SDHAF3: variants seen among roughly 807,000 people sequenced by gnomAD.
SDHAF3 encodes succinate dehydrogenase assembly factor 3, mitochondrial.
SDHAF3 carries 18 observed loss-of-function variants against 11.5 expected under a neutral mutation model. That is an observed-to-expected ratio of 1.56 (90% CI 1.08 to 2.32). SDHAF3 has a LOEUF of 2.32. SDHAF3 is among the 30% of genes most tolerant of loss of function. The pLI, the probability that SDHAF3 is intolerant of heterozygous loss-of-function variation, is 0.00. For synonymous variants in SDHAF3, 72 were observed against 59.3 expected, an observed-to-expected ratio of 1.21 and a Z score of -0.99; for missense variants, 200 against 154.4, an observed-to-expected ratio of 1.30 and a Z score of -1.57.
At chr7:97,174,897 T>C (rs1268082635) in intron 1 of SDHAF3, among the ~76,000 whole-genome samples, 4 of 152,242 alleles carry the variant, frequency 2.6e-5, no homozygotes. Flanking sequence ...ATGTAGTTTT[T>C]CATAGTCTGA....
chr7:97,151,153 T>C (rs1789212974), intron 1 of SDHAF3, among the ~76,000 whole-genome samples: 2 of 152,162 alleles, frequency 1.3e-5, no homozygotes, highest in South Asian at 4.1e-4. Context: ...CGGGAACTTT[T>C]ACTGCACACT....
chr7:97,130,100 C>T (rs1177037823), intron 1 of SDHAF3, among the ~76,000 whole-genome samples: 5 of 152,074 alleles, frequency 3.3e-5, no homozygotes, highest in East Asian at 1.9e-4. Context: ...TGTGAAATCT[C>T]GTCTCTATTA....
At chr7:97,134,007 C>T (rs970228457) in intron 1 of SDHAF3, among the ~76,000 whole-genome samples, 1 of 152,212 alleles carries the variant, frequency 6.6e-6, no homozygotes, top group Non-Finnish European at 1.5e-5. Flanking sequence ...GGTGCAATAA[C>T]TCTTTACTGA....
chr7:97,119,129 T>C (rs1791453147), intron 1 of SDHAF3, among the ~76,000 whole-genome samples: 1 of 152,222 alleles, frequency 6.6e-6, no homozygotes. Flanking sequence ...CATCTCAAAA[T>C]TTACGTATGT....
intron 1 of SDHAF3, among the ~76,000 whole-genome samples, chr7:97,156,602 A>C (rs1393265140): frequency 2.0e-5 from 3 of 152,158 alleles, no homozygotes; most frequent in Non-Finnish European, 4.4e-5. Flanking sequence ...AGCACATATA[A>C]ATAGCATACA....
intron 1 of SDHAF3, among the ~76,000 whole-genome samples, chr7:97,147,837 T>C (rs1365841732): frequency 1.1e-4 from 16 of 152,252 alleles, no homozygotes; most frequent in Admixed American, 9.8e-4. Flanking sequence ...ACTTTGGTAC[T>C]CTGCTCCACC....
chr7:97,141,643 G>T (rs1354067824), intron 1 of SDHAF3, among the ~76,000 whole-genome samples: 1 of 152,106 alleles, frequency 6.6e-6, no homozygotes, highest in Non-Finnish European at 1.5e-5. Context: ...ACTAGCGCCT[G>T]CCATCACACC....
chr7:97,119,998 G>A (rs562733000), intron 1 of SDHAF3, among the ~76,000 whole-genome samples: 1 of 152,236 alleles, frequency 6.6e-6, no homozygotes, highest in Non-Finnish European at 1.5e-5. Flanking sequence ...AATCCACGTG[G>A]TGTCTCTACT....
At chr7:97,137,015 T>C (rs1232139945) in intron 1 of SDHAF3, among the ~76,000 whole-genome samples, 5 of 152,172 alleles carry the variant, frequency 3.3e-5, no homozygotes, top group Non-Finnish European at 7.3e-5. Flanking sequence ...TAGGGTTTTG[T>C]ATTTTGTTTT....
intron 1 of SDHAF3, among the ~76,000 whole-genome samples, chr7:97,155,631 G>A (rs1156255512): frequency 6.6e-6 from 1 of 152,092 alleles, no homozygotes; most frequent in Admixed American, 6.6e-5. Flanking sequence ...TAAATTATAA[G>A]CTGCTTTAAA....
chr7:97,165,111 C>T (rs544291583), intron 1 of SDHAF3, among the ~76,000 whole-genome samples: 3 of 152,068 alleles, frequency 2.0e-5, no homozygotes, highest in Non-Finnish European at 2.9e-5. Context: ...GGTGAAACCC[C>T]ATCTCTACTA....
chr7:97,145,500 TTAAA>T (rs1378259434), intron 1 of SDHAF3, among the ~76,000 whole-genome samples: 1 of 152,168 alleles, frequency 6.6e-6, no homozygotes, highest in Non-Finnish European at 1.5e-5. Flanking sequence ...TGAATAGTGT[TTAAA>T]TAATTGGTTT....
chr7:97,172,984 C>T (rs1200198966), intron 1 of SDHAF3, among the ~76,000 whole-genome samples: 1 of 145,432 alleles, frequency 6.9e-6, no homozygotes, highest in Non-Finnish European at 1.5e-5. Context: ...ATGGCTCCAC[C>T]TCAGATCATC....
At chr7:97,140,343 AT>A (rs67929691) in intron 1 of SDHAF3, among the ~76,000 whole-genome samples, 1,302 of 112,390 alleles carry the variant, frequency 0.012, 11 homozygotes, top group African/African-American at 0.04. Context: ...TTTTGGTAGT[AT>A]TTTTTTTTTT....
intron 1 of SDHAF3, among the ~76,000 whole-genome samples, chr7:97,124,519 C>T: frequency 6.6e-6 from 1 of 151,990 alleles, no homozygotes; most frequent in African/African-American, 2.4e-5. Flanking sequence ...AATTTTTTTT[C>T]TAGTTCTGTG....
At chr7:97,178,843 G>T (rs1009059241) in intron 1 of SDHAF3, among the ~76,000 whole-genome samples, 2 of 151,986 alleles carry the variant, frequency 1.3e-5, no homozygotes, top group Non-Finnish European at 2.9e-5. Flanking sequence ...ATTTAATTTT[G>T]ATACTGTCCA....
intron 1 of SDHAF3, among the ~76,000 whole-genome samples, chr7:97,165,741 G>C (rs1388243691): frequency 6.6e-6 from 1 of 152,212 alleles, no homozygotes. Context: ...GCAAGGCTAA[G>C]TTGGCAGTTT....
At chr7:97,151,929 C>G (rs1481083047) in intron 1 of SDHAF3, among the ~76,000 whole-genome samples, 1 of 152,088 alleles carries the variant, frequency 6.6e-6, no homozygotes, top group Non-Finnish European at 1.5e-5. Context: ...TACCAAAGAG[C>G]CTTACTTTGG....
At chr7:97,169,616 C>CTTTAG (rs925071781) in intron 1 of SDHAF3, among the ~76,000 whole-genome samples, 23 of 151,750 alleles carry the variant, frequency 1.5e-4, no homozygotes, top group African/African-American at 5.1e-4. Context: ...GCATCATGTC[C>CTTTAG]TTTAGTTTAT....
Sources: allele counts gnomAD v4.1 joint callset (sites outside exome capture counted in the v4.1 genomes callset), GRCh38; gene constraint gnomAD v4.1.1; transcripts MANE v1.5; gene names NCBI Gene and HGNC (gene_info 2026-07-23, HGNC 2026-07-21).